Variants in TBKBP1 observed in about 807,000 individuals in gnomAD.
TBKBP1 encodes TANK-binding kinase 1-binding protein 1.
A neutral mutation model predicts 69.9 loss-of-function variants in TBKBP1; 47 were observed. The observed-to-expected ratio is 0.67, with a 90% CI of 0.53 to 0.86. The LOEUF (loss-of-function observed/expected upper bound fraction) is 0.86. Among genes scored for constraint, TBKBP1 ranks in the 40% least tolerant of loss-of-function variants. TBKBP1 has a pLI of 0.00. For synonymous variants in TBKBP1, 418 were observed against 390.3 expected (o/e 1.07, Z -0.84); for missense variants, 831 against 858.6 (o/e 0.97, Z 0.40).
At chr17:47,694,985 C>T (rs1597951687) in intron 1 of TBKBP1, among the ~76,000 whole-genome samples, 1 of 151,992 alleles carries the variant, frequency 6.6e-6, no homozygotes, top group East Asian at 1.9e-4. Flanking sequence ...GAACTCACAG[C>T]TCCCTGCCGA....
At position 47,699,473 on chromosome 17, in the gene TBKBP1, A is replaced by G. The variant is rs2031401808; in HGVS notation, c.788A>G (p.Gln263Arg). The change falls in exon 6 of 10, where the codon CAG becomes CGG. Residue 263 changes from glutamine (Q) to arginine (R), a missense_variant. Gln to Arg is a conservative substitution (Grantham distance 43, BLOSUM62 1). Coordinates refer to ENST00000578982, the MANE Select transcript of TBKBP1 (RefSeq NM_001394755.1). ...ECERLQGELKQLQETRAQDLA... is the reference protein window; with the variant it reads ...ECERLQGELKRLQETRAQDLA... ...GAGCGGCTGCAGGGGGAGCTGAAGC[A>G]GCTGCAGGAGACCCGGGCCCAGGTA... The G allele has an allele frequency of 2.5e-6, 4 of 1,575,970 alleles. No individual in the cohort carries two copies. The South Asian group carries it at 4.6e-5, about 18-fold the overall frequency.
intron 7 of TBKBP1, among the ~76,000 whole-genome samples, chr17:47,703,404 C>G (rs1597963559): frequency 6.6e-6 from 1 of 152,196 alleles, no homozygotes; most frequent in Non-Finnish European, 1.5e-5. Context: ...CCAGGGCCTC[C>G]CCCTTCACGC....
chr17:47,702,280 G>GGAGTT (rs2031536325), intron 7 of TBKBP1, among the ~76,000 whole-genome samples: 1 of 152,142 alleles, frequency 6.6e-6, no homozygotes, highest in Admixed American at 6.5e-5. Flanking sequence ...TTCCGGGAGT[G>GGAGTT]GAGTGAGTGT....
chr17:47,703,335 C>T (rs1469756409), intron 7 of TBKBP1, among the ~76,000 whole-genome samples: 1 of 152,136 alleles, frequency 6.6e-6, no homozygotes, highest in Non-Finnish European at 1.5e-5. Flanking sequence ...TGGGTCAGGA[C>T]GGAAGTCGGA....
rs1445430572 is a variant in TBKBP1 at position 47,708,019 on chromosome 17, T to C, written c.873-375T>C. Among the ~76,000 whole-genome samples, 2 of 152,252 alleles carry C rather than the reference T, an allele frequency of 1.3e-5. No individual in the cohort carries two copies. The highest frequency in any genetic ancestry group is 2.9e-5 in the Non-Finnish European group (2 of 68,048). On this transcript the variant is annotated intron_variant, in intron 7 of 9. Coordinates refer to ENST00000578982, the MANE Select transcript of TBKBP1 (RefSeq NM_001394755.1). This position sits in a 1 kb window ranked among gnomAD's most constrained non-coding sequence, Gnocchi z 4.4. ...GATGAATCGGTGCTTTAATTCATCA[T>C]CACAGCTTTTGCACAGATTAGAAAA...
chr17:47,699,359 AGCG>A lies in TBKBP1; in HGVS notation c.683_685del (p.Arg228del), dbSNP rs1380944258. 7 of 1,551,714 alleles carry A rather than the reference AGCG, an allele frequency of 4.5e-6. No homozygotes were observed. The highest frequency in any genetic ancestry group is 1.4e-5 in the African/African-American group (1 of 72,402). ...TCCACACCCAGTGTGAGTGACCTGG[AGCG>A]GCGGCGGCTAGAAGAGGCTTTGGAG... On this transcript the variant is annotated inframe_deletion, in exon 6 of 10. Coordinates refer to ENST00000578982, the MANE Select transcript of TBKBP1 (RefSeq NM_001394755.1).
At chr17:47,699,011 C>G (rs1378311133) in intron 5 of TBKBP1, among the ~76,000 whole-genome samples, 4 of 152,116 alleles carry the variant, frequency 2.6e-5, no homozygotes, top group African/African-American at 2.4e-5. Context: ...CAGCAGAGGG[C>G]GCCCCCACCC....
At chr17:47,704,627 A>G (rs2031635672) in intron 7 of TBKBP1, among the ~76,000 whole-genome samples, 1 of 152,038 alleles carries the variant, frequency 6.6e-6, no homozygotes, top group East Asian at 1.9e-4. Context: ...ACAGCTCTAA[A>G]CCTAACCCTA....
intron 7 of TBKBP1, among the ~76,000 whole-genome samples, chr17:47,704,672 T>A (rs182933783): frequency 6.6e-6 from 1 of 152,314 alleles, no homozygotes; most frequent in East Asian, 1.9e-4. Flanking sequence ...TCCCTGACTC[T>A]AACCCTATCC....
In TBKBP1 at chr17:47,709,484, G is replaced by A. The variant is rs778632082; in HGVS notation, c.1719+32G>A. ...GGGGCGCCCGCGTTCCGCCCACCCC[G>A]GACCGGGCCTTGAGATTGAGACCCC... On this transcript the variant is annotated intron_variant, in intron 9 of 9. Coordinates refer to ENST00000578982, the MANE Select transcript of TBKBP1 (RefSeq NM_001394755.1). The A allele has an allele frequency of 5.4e-6, 8 of 1,471,938 alleles. No individual in the cohort carries two copies. In the South Asian group the frequency reaches 9.3e-5, roughly 17 times the overall value. 91.2% of individuals were successfully genotyped at this position (1,471,938 alleles called of 1,614,324 possible). A position where few individuals can be genotyped will look rare whatever the true frequency, so the allele number is the denominator to read the frequency against.
chr17:47,694,824 C>T (rs1219874203), intron 1 of TBKBP1, among the ~76,000 whole-genome samples: 2 of 150,522 alleles, frequency 1.3e-5, no homozygotes, highest in Non-Finnish European at 1.5e-5. Flanking sequence ...CGCGCGCACA[C>T]ACTCCTTACT....
intron 4 of TBKBP1, 104 bp downstream of exon 4, chr17:47,697,297 A>G (rs1390912336): frequency 1.2e-5 from 12 of 972,520 alleles, no homozygotes; most frequent in Non-Finnish European, 1.9e-5. Flanking sequence ...GTGACAGTGC[A>G]GTCCCATGTG....
intron 7 of TBKBP1, among the ~76,000 whole-genome samples, chr17:47,704,138 T>C (rs1365560010): frequency 6.6e-6 from 1 of 152,180 alleles, no homozygotes; most frequent in Non-Finnish European, 1.5e-5. Context: ...ACCCCACCTA[T>C]GTAGGAACCC....
chr17:47,699,756 CCCTCAGGGGT>C (rs2031415873), intron 7 of TBKBP1, 59 bp downstream of exon 7: 1 of 1,595,948 alleles, frequency 6.3e-7, no homozygotes, highest in East Asian at 2.2e-5. Flanking sequence ...CCCCTCCCAG[CCCTCAGGGGT>C]GTGGTGTCTG....
At chr17:47,694,410 C>G (rs943626666) in intron 1 of TBKBP1, among the ~76,000 whole-genome samples, 3 of 151,920 alleles carry the variant, frequency 2.0e-5, no homozygotes, top group Admixed American at 6.5e-5. Context: ...GCCCCTTCCC[C>G]GGCCCCGAGA....
rs953910381 is a variant in TBKBP1 at position 47,709,555 on chromosome 17, C to T, written c.1719+103C>T. On this transcript the variant is annotated intron_variant, in intron 9 of 9. Transcript: ENST00000578982. Reference sequence around the variant, plus strand: ...GGGCCTTGCCCCTTTCGGGTGTCAGCGCACAAACTATTCACCCTCCTTGGA... The same window carrying T: ...GGGCCTTGCCCCTTTCGGGTGTCAGTGCACAAACTATTCACCCTCCTTGGA... The T allele has an allele frequency of 4.4e-6, 6 of 1,376,052 alleles. No homozygotes were observed. In the African/African-American group the frequency reaches 9.2e-5, roughly 21 times the overall value. 85.2% of individuals were successfully genotyped at this position (1,376,052 alleles called of 1,614,324 possible).
In TBKBP1 at chr17:47,708,121, A is replaced by C. The variant is rs562253264; in HGVS notation, c.873-273A>C. Among the ~76,000 whole-genome samples, 4 of 152,148 alleles carry C rather than the reference A, an allele frequency of 2.6e-5. No homozygotes were observed. In the South Asian group the frequency reaches 8.3e-4, roughly 32 times the overall value. Reference sequence around the variant, plus strand: ...TGCAGGGATTCAGGGAGCCCTTGGAATCTCTCTGCTCCCTGTCCCTGCACT... The same window carrying C: ...TGCAGGGATTCAGGGAGCCCTTGGACTCTCTCTGCTCCCTGTCCCTGCACT... On this transcript the variant is annotated intron_variant, in intron 7 of 9. Coordinates refer to ENST00000578982, the MANE Select transcript of TBKBP1 (RefSeq NM_001394755.1). The surrounding 1 kb of genome is among the most constrained non-coding windows in gnomAD (Gnocchi z 4.4).
At chr17:47,697,039 A>C (rs748342173) in intron 3 of TBKBP1, 50 bp from the exon 4 acceptor site, 24 of 1,568,794 alleles carry the variant, frequency 1.5e-5, no homozygotes, top group Non-Finnish European at 2.1e-5. Flanking sequence ...TCCAACTCCA[A>C]GTCCAGTGTG....
rs778931852 is a variant in TBKBP1 at position 47,696,095 on chromosome 17, C to CGT, written c.-17_-16insTG. On this transcript the variant is annotated 5_prime_UTR_variant, in exon 2 of 10. Coordinates refer to ENST00000578982, the MANE Select transcript of TBKBP1 (RefSeq NM_001394755.1). ...CTCTCCTAGGAGGCCCCGTGTGGGC[C>CGT]GCGGCCCGGCCCTCACCATGGAGTC... 1.3e-6 allele frequency: 2 copies of CGT among 1,592,674 alleles called. No homozygotes were observed. Among genetic ancestry groups the CGT allele is most frequent in the African/African-American group, 2.7e-5 (2 of 74,438 alleles).
Sources: gnomAD v4.1 joint callset for allele counts (sites outside exome capture counted in the v4.1 genomes callset) on GRCh38, gnomAD v4.1.1 for gene constraint, Gnocchi (gnomAD v3.1) non-coding constraint, MANE v1.5 for transcripts, NCBI Gene and HGNC (gene_info 2026-07-23, HGNC 2026-07-21) for gene names.